NIPBL: variants seen among roughly 807,000 people sequenced by gnomAD.
NIPBL encodes the protein nipped-B-like protein.
In NIPBL, 19 loss-of-function variants were observed where a neutral mutation model predicts 321.8. That is an observed-to-expected ratio of 0.06 (90% CI 0.04 to 0.09). NIPBL has a LOEUF of 0.09. NIPBL is among the 10% of genes least tolerant of loss of function. The pLI, the probability that NIPBL is intolerant of heterozygous loss-of-function variation, is 1.00. For synonymous variants in NIPBL, 1,106 were observed against 1,114.1 expected (o/e 0.99, Z 0.14); for missense variants, 2,210 against 3,327.0 (o/e 0.66, Z 8.26).
At chr5:36,915,536 G>C (rs1748393228) in intron 1 of NIPBL, among the ~76,000 whole-genome samples, 1 of 151,992 alleles carries the variant, frequency 6.6e-6, no homozygotes, top group African/African-American at 2.4e-5. Context: ...ATTCCTGATT[G>C]GAGTTTTGTT....
At chr5:36,962,828 G>T (rs1375314103) in intron 6 of NIPBL, among the ~76,000 whole-genome samples, 1 of 152,126 alleles carries the variant, frequency 6.6e-6, no homozygotes, top group East Asian at 1.9e-4. Flanking sequence ...ATCTAGAGAT[G>T]ATTTAAAGTA....
At chr5:36,894,413 T>C (rs937795948) in intron 1 of NIPBL, among the ~76,000 whole-genome samples, 12 of 152,290 alleles carry the variant, frequency 7.9e-5, no homozygotes, top group Middle Eastern at 3.4e-3. Flanking sequence ...TCCAAAGGTA[T>C]TGTACTATAC....
At chr5:36,885,666 A>G (rs1745841473) in intron 1 of NIPBL, 1 of 563,436 alleles carries the variant, frequency 1.8e-6, no homozygotes, top group Non-Finnish European at 3.4e-6. Flanking sequence ...CTGCAGATTG[A>G]CAATGCCTAC....
intron 1 of NIPBL, among the ~76,000 whole-genome samples, chr5:36,881,784 A>G (rs190072778): frequency 3.9e-5 from 6 of 152,056 alleles, no homozygotes; most frequent in African/African-American, 1.4e-4. Context: ...TATATTCTGT[A>G]TTTATAATAC....
rs1029239546 is a variant in NIPBL at position 37,006,515 on chromosome 5, G to A, written c.4014G>A (p.Gln1338=). Residue 1338 remains glutamine, a synonymous_variant, in exon 17 of 47, where the codon CAG becomes CAA. Transcript: ENST00000282516. ...YIEDVIERVI[Q]YTKFHLQNTL... is the part of the protein sequence containing the mutation. The stretch of plus-strand genomic sequence containing the variant: ...AGGATGTAATTGAAAGAGTTATACA[G>A]TACACTAAATTTCATTTGCAGAATA... 3.1e-6 allele frequency: 5 copies of A among 1,612,068 alleles called. No individual in the cohort carries two copies. The highest frequency in any genetic ancestry group is 4.2e-6 in the Non-Finnish European group (5 of 1,178,528).
chr5:36,943,700 A>G (rs1739358993), intron 1 of NIPBL, among the ~76,000 whole-genome samples: 1 of 152,138 alleles, frequency 6.6e-6, no homozygotes, highest in African/African-American at 2.4e-5. Flanking sequence ...GCACAGAAGC[A>G]CTATTTTAAA....
At chr5:36,890,572 C>G (rs1039096414) in intron 1 of NIPBL, among the ~76,000 whole-genome samples, 6 of 152,112 alleles carry the variant, frequency 3.9e-5, no homozygotes, top group Non-Finnish European at 7.4e-5. Flanking sequence ...TGTGGCTTTT[C>G]AAACGGTGTA....
At chr5:37,006,231 A>G in intron 16 of NIPBL, 126 bp from the exon 17 acceptor site, 1 of 674,700 alleles carries the variant, frequency 1.5e-6, no homozygotes, top group East Asian at 2.7e-5. Context: ...CATTCTGGAT[A>G]TTCTTAAAAG....
At chr5:37,011,516 C>T (rs1057477890) in intron 21 of NIPBL, among the ~76,000 whole-genome samples, 14 of 152,160 alleles carry the variant, frequency 9.2e-5, no homozygotes, top group Non-Finnish European at 1.8e-4. Context: ...GATTGTGCCA[C>T]TGCACCCTGG....
In NIPBL at chr5:36,985,455, A is replaced by G; in HGVS notation, c.2275A>G (p.Lys759Glu). 1 of 1,613,806 alleles carries G rather than the reference A, an allele frequency of 6.2e-7. No individual in the cohort carries two copies. Among genetic ancestry groups the G allele is most frequent in the Non-Finnish European group, 8.5e-7 (1 of 1,179,966 alleles). The change falls in exon 10 of 47, where the codon AAA becomes GAA. Residue 759 changes from lysine to glutamate, a missense_variant. Lys to Glu is a moderately conservative substitution (Grantham distance 56). This residue lies in a region of NIPBL where 588 missense variants were observed against 564.1 expected (regional missense o/e 1.04). Transcript: ENST00000282516. ...QKNEGRPETP[K>E]HRHDNRRDSG... ...AAATGAAGGGCGACCTGAAACACCA[A>G]AACACAGGCATGACAATAGGAGGGA...
intron 1 of NIPBL, among the ~76,000 whole-genome samples, chr5:36,922,638 T>C (rs765095990): frequency 6.6e-6 from 1 of 152,194 alleles, no homozygotes; most frequent in African/African-American, 2.4e-5. Flanking sequence ...TTTTAGAAAG[T>C]CCTGGATTTG....
At chr5:37,009,254 CAGAA>C (rs552294428) in intron 20 of NIPBL, among the ~76,000 whole-genome samples, 301 of 151,394 alleles carry the variant, frequency 2.0e-3, no homozygotes, top group Middle Eastern at 3.4e-3. Context: ...AAATAAAAAA[CAGAA>C]AGATTAATGG....
chr5:36,922,421 T>G (rs1447032494), intron 1 of NIPBL, among the ~76,000 whole-genome samples: 1 of 152,134 alleles, frequency 6.6e-6, no homozygotes, highest in Admixed American at 6.6e-5. Flanking sequence ...GAGTAGTATA[T>G]TCATAGAAAA....
chr5:36,998,994 G>T lies in NIPBL; in HGVS notation c.3305-1379G>T, dbSNP rs568561722. Among the ~76,000 whole-genome samples, 212 of 152,254 alleles carry T rather than the reference G, an allele frequency of 1.4e-3. 3 individuals carry two copies. The South Asian group carries it at 0.028, about 20-fold the overall frequency. ...CTTTTTGCTATCCAAGCCTGTGACTGTAAAGAAGAGGAAACAAAATGACCT... is the reference window on the plus strand; with the variant it reads ...CTTTTTGCTATCCAAGCCTGTGACTTTAAAGAAGAGGAAACAAAATGACCT... On this transcript the variant is annotated intron_variant, in intron 11 of 46. Coordinates refer to ENST00000282516, the MANE Select transcript of NIPBL (RefSeq NM_133433.4).
chr5:36,912,638 A>T (rs1046796597), intron 1 of NIPBL, among the ~76,000 whole-genome samples: 5 of 151,204 alleles, frequency 3.3e-5, no homozygotes, highest in African/African-American at 1.2e-4. Context: ...AGTAGCTGGG[A>T]TTACAGGCAT....
Position 36,985,065 on chromosome 5 carries a change from C to A in NIPBL, c.1885C>A (p.Arg629=). 6.2e-7 allele frequency: 1 copy of A among 1,613,624 alleles called. No individual in the cohort carries two copies. The highest frequency in any genetic ancestry group is 8.5e-7 in the Non-Finnish European group (1 of 1,179,906). Residue 629 remains arginine, a synonymous_variant, in exon 10 of 47, where the codon CGA becomes AGA. Coordinates refer to ENST00000282516, the MANE Select transcript of NIPBL (RefSeq NM_133433.4). The part of the protein sequence containing the change: ...RLAESKPNEN[R]LVETKSSENK... ...AGCAGAATCTAAACCAAATGAAAAC[C>A]GATTGGTGGAGACAAAATCAAGTGA...
chr5:36,971,730 T>G, intron 7 of NIPBL: 1 of 830,236 alleles, frequency 1.2e-6, no homozygotes. Context: ...CAAATTTTCT[T>G]ATTCATTGCC....
intron 1 of NIPBL, among the ~76,000 whole-genome samples, chr5:36,929,051 T>C (rs148121750): frequency 0.052 from 7,854 of 152,254 alleles, 280 homozygotes; most frequent in Middle Eastern, 0.082. Flanking sequence ...GGTCATATGA[T>C]AATTAACTTT....
chr5:36,978,103 T>C (rs1382863124), intron 9 of NIPBL, among the ~76,000 whole-genome samples: 6 of 151,978 alleles, frequency 3.9e-5, no homozygotes, highest in Non-Finnish European at 7.4e-5. Context: ...GTAATTTTTT[T>C]CCCTATGGAT....
Sources: gnomAD v4.1 joint callset for allele counts (sites outside exome capture counted in the v4.1 genomes callset) on GRCh38, gnomAD v4.1.1 for gene constraint, gnomAD v4.1.1 regional missense constraint, MANE v1.5 for transcripts, NCBI Gene and HGNC (gene_info 2026-07-23, HGNC 2026-07-21) for gene names.